LPP: variants seen among roughly 807,000 people sequenced by gnomAD.
The protein encoded by LPP is lipoma-preferred partner.
In LPP, 38 loss-of-function variants were observed where a neutral mutation model predicts 60.4. That is an observed-to-expected ratio of 0.63 (90% CI 0.49 to 0.83). The LOEUF (loss-of-function observed/expected upper bound fraction) is 0.83. Among genes scored for constraint, LPP ranks in the 40% least tolerant of loss-of-function variants. The pLI is 0.00. For synonymous variants in LPP, 328 were observed against 290.8 expected (o/e 1.13, Z -1.30); for missense variants, 902 against 783.6 (o/e 1.15, Z -1.80).
At chr3:188,592,437 AG>A (rs1838941389) in intron 6 of LPP, among the ~76,000 whole-genome samples, 1 of 151,838 alleles carries the variant, frequency 6.6e-6, no homozygotes, top group Non-Finnish European at 1.5e-5. Flanking sequence ...ATGAAAATAA[AG>A]TTACCAAAAC....
chr3:188,450,351 C>A (rs1398318341), intron 4 of LPP, among the ~76,000 whole-genome samples: 2 of 152,122 alleles, frequency 1.3e-5, no homozygotes, highest in African/African-American at 2.4e-5. Context: ...CCAATATATA[C>A]CCTGCCCATA....
At chr3:188,245,319 G>A (rs1383430122) in intron 2 of LPP, among the ~76,000 whole-genome samples, 1 of 152,118 alleles carries the variant, frequency 6.6e-6, no homozygotes, top group Non-Finnish European at 1.5e-5. Context: ...CATCATGTTG[G>A]TCATGCTGGT....
chr3:188,228,405 C>T (rs776658108), intron 2 of LPP, among the ~76,000 whole-genome samples: 4 of 152,030 alleles, frequency 2.6e-5, no homozygotes, highest in African/African-American at 4.8e-5. Context: ...GGTGTTCTAT[C>T]GGGCATTGGC....
chr3:188,225,928 C>T (rs114242271), intron 2 of LPP, among the ~76,000 whole-genome samples: 413 of 152,300 alleles, frequency 2.7e-3, no homozygotes, highest in Non-Finnish European at 3.7e-3. Flanking sequence ...TGGGCATTTA[C>T]AAGGAAAGAA....
intron 3 of LPP, among the ~76,000 whole-genome samples, chr3:188,377,326 G>A (rs959823723): frequency 1.1e-4 from 17 of 152,228 alleles, no homozygotes; most frequent in Admixed American, 3.3e-4. Context: ...CATTCTCCCC[G>A]TCACTTTCAG....
At chr3:188,277,129 C>T (rs1223174717) in intron 2 of LPP, among the ~76,000 whole-genome samples, 2 of 152,036 alleles carry the variant, frequency 1.3e-5, no homozygotes, top group South Asian at 4.1e-4. Context: ...GTCTCGAACT[C>T]CTGACCTCAA....
intron 6 of LPP, among the ~76,000 whole-genome samples, chr3:188,564,569 C>T (rs943168882): frequency 2.0e-5 from 3 of 151,896 alleles, no homozygotes; most frequent in African/African-American, 7.2e-5. Flanking sequence ...GAAATCGTTT[C>T]TTGGGTCTGT....
At position 188,827,089 on chromosome 3, in the gene LPP, C is replaced by A. The variant is rs113381072; in HGVS notation, c.1411-39111C>A. On this transcript the variant is annotated intron_variant, in intron 9 of 11. Transcript: ENST00000617246. Reference sequence around the variant, plus strand: ...AGACTGATTGTATAGGAGATCTGAGCAATTTTCATATTAATGGAATGGATT... The same window carrying A: ...AGACTGATTGTATAGGAGATCTGAGAAATTTTCATATTAATGGAATGGATT... Among the ~76,000 whole-genome samples the A allele has an allele frequency of 8.1e-4, 123 of 152,160 alleles. 1 individual carries two copies. The highest frequency in any genetic ancestry group is 2.9e-3 in the African/African-American group (120 of 41,534).
At chr3:188,423,880 G>A (rs566120538) in intron 4 of LPP, among the ~76,000 whole-genome samples, 18 of 145,562 alleles carry the variant, frequency 1.2e-4, no homozygotes, top group Admixed American at 1.1e-3. Context: ...TAGATTGCAC[G>A]CTTTTTTTTC....
intron 9 of LPP, among the ~76,000 whole-genome samples, chr3:188,850,671 G>A (rs995864025): frequency 2.0e-5 from 3 of 151,994 alleles, no homozygotes; most frequent in South Asian, 2.1e-4. Flanking sequence ...TAGTCTGACC[G>A]CAAGATCAAC....
chr3:188,874,230 A>G, intron 11 of LPP, 121 bp from the exon 12 acceptor site: 1 of 767,100 alleles, frequency 1.3e-6, no homozygotes, highest in Non-Finnish European at 2.1e-6. Context: ...AATGTAAAGC[A>G]GGAAGGATAG....
intron 1 of LPP, among the ~76,000 whole-genome samples, chr3:188,184,666 T>C (rs1184436803): frequency 6.8e-6 from 1 of 147,654 alleles, no homozygotes; most frequent in Non-Finnish European, 1.5e-5. Flanking sequence ...CTTTTTAAAG[T>C]GAATAGGGCT....
At chr3:188,164,353 C>T (rs1429521572) in intron 1 of LPP, among the ~76,000 whole-genome samples, 1 of 152,148 alleles carries the variant, frequency 6.6e-6, no homozygotes, top group Admixed American at 6.5e-5. Flanking sequence ...TAGCTGTAAC[C>T]GTGGAAGCCT....
intron 9 of LPP, among the ~76,000 whole-genome samples, chr3:188,800,363 A>G (rs1746743607): frequency 6.7e-6 from 1 of 148,890 alleles, no homozygotes. Flanking sequence ...CTCCTGCCTC[A>G]GCCTCCCGAG....
In LPP at chr3:188,495,187, A is replaced by ATT. The variant is rs1208671944; in HGVS notation, c.306+10484_306+10485insTT. Among the ~76,000 whole-genome samples, 3 of 5,372 alleles carry ATT rather than the reference A, an allele frequency of 5.6e-4. No homozygotes were observed. The East Asian group carries it at 0.079, about 141-fold the overall frequency. The allele number at this position is 5,372 out of a possible 152,430, so 3.5% of individuals were successfully genotyped here. ...TTATATATATTTATAAATATATAAT[A>ATT]TATATATTTATAAATATATATATAT... is the stretch of plus-strand genomic sequence containing the variant. On this transcript the variant is annotated intron_variant, in intron 5 of 11. Transcript: ENST00000617246.
chr3:188,319,036 G>A (rs1406588595), intron 2 of LPP, among the ~76,000 whole-genome samples: 1 of 152,126 alleles, frequency 6.6e-6, no homozygotes, highest in African/African-American at 2.4e-5. Context: ...GGGATTACAG[G>A]CGTGAGCCAC....
At chr3:188,541,614 A>G (rs1579789453) in intron 6 of LPP, among the ~76,000 whole-genome samples, 1 of 152,156 alleles carries the variant, frequency 6.6e-6, no homozygotes, top group African/African-American at 2.4e-5. Context: ...TTGTAAATTT[A>G]TGTTTATTGA....
intron 2 of LPP, among the ~76,000 whole-genome samples, chr3:188,326,067 C>A (rs1253201883): frequency 1.3e-5 from 2 of 152,132 alleles, no homozygotes; most frequent in African/African-American, 4.8e-5. Context: ...GCTCTAGTGG[C>A]CCTGTGTGCA....
At chr3:188,677,802 T>A (rs1411029529) in intron 7 of LPP, among the ~76,000 whole-genome samples, 2 of 152,120 alleles carry the variant, frequency 1.3e-5, no homozygotes, top group Non-Finnish European at 2.9e-5. Context: ...TCCATTGTCA[T>A]CTAAATGATG....
Sources: gnomAD v4.1 joint callset for allele counts (sites outside exome capture counted in the v4.1 genomes callset) on GRCh38, gnomAD v4.1.1 for gene constraint, MANE v1.5 for transcripts, NCBI Gene and HGNC (gene_info 2026-07-23, HGNC 2026-07-21) for gene names.